Variants in GATC observed in about 807,000 individuals in gnomAD.
GATC encodes the protein glutamyl-tRNA(Gln) amidotransferase subunit C, mitochondrial.
A neutral mutation model predicts 14.4 loss-of-function variants in GATC; 11 were observed. The ratio of observed to expected loss-of-function variants is 0.77; its 90% CI spans 0.48 to 1.27. The LOEUF is 1.27. Among genes scored for constraint, GATC ranks in the 50% most tolerant of loss-of-function variants. The pLI is 0.00. For missense variants in GATC, 204 were observed against 183.0 expected (o/e 1.11, Z -0.66); for synonymous variants, 76 against 79.3 (o/e 0.96, Z 0.22).
chr12:120,448,024 G>A (rs113027568), intron 2 of GATC, among the ~76,000 whole-genome samples: 1,713 of 152,286 alleles, frequency 0.011, 34 homozygotes, highest in African/African-American at 0.039. Flanking sequence ...AAAGTACTGG[G>A]ATTACAGGCA....
chr12:120,447,203 G>A (rs1000818702), intron 2 of GATC, among the ~76,000 whole-genome samples: 7 of 151,758 alleles, frequency 4.6e-5, no homozygotes, highest in African/African-American at 1.7e-4. Flanking sequence ...AGCCTCCCGA[G>A]TAGCTGGGAT....
chr12:120,452,063 G>C (rs564888928), intron 2 of GATC, among the ~76,000 whole-genome samples: 2 of 151,260 alleles, frequency 1.3e-5, no homozygotes, highest in African/African-American at 4.8e-5. Flanking sequence ...TTTTAGTAGA[G>C]ACGGGGTTTC....
In GATC at chr12:120,462,241, A is replaced by G. The variant is rs1050583939; in HGVS notation, c.*2282A>G. On this transcript the variant is annotated 3_prime_UTR_variant, in exon 4 of 4. Transcript: ENST00000551765. ...AGAATAAGCAAACCAACATCTAACA[A>G]TAATAGTTAAGTATTGAGCACTTAC... 6.2e-6 allele frequency: 9 copies of G among 1,462,938 alleles called. No individual in the cohort carries two copies. Among genetic ancestry groups the G allele is most frequent in the Non-Finnish European group, 8.3e-6 (9 of 1,078,910 alleles). 90.6% of individuals were successfully genotyped at this position (1,462,938 alleles called of 1,614,324 possible). A position where few individuals can be genotyped will look rare whatever the true frequency, so the allele number is the denominator to read the frequency against.
At chr12:120,459,604 C>G (rs534708761) in intron 3 of GATC, among the ~76,000 whole-genome samples, 1 of 152,174 alleles carries the variant, frequency 6.6e-6, no homozygotes, top group East Asian at 1.9e-4. Flanking sequence ...TGCCTGTAAT[C>G]CTAGCACTTT....
rs570528452 is a variant in GATC at position 120,448,956 on chromosome 12, G to C, written c.254+2127G>C. 2.1e-5 allele frequency among the ~76,000 whole-genome samples: 3 copies of C among 143,248 alleles called. No homozygotes were observed. In the East Asian group the frequency reaches 6.6e-4, roughly 31 times the overall value. The allele number at this position is 143,248 out of a possible 152,430, so 94.0% of individuals were successfully genotyped here. On this transcript the variant is annotated intron_variant, in intron 2 of 3. Transcript: ENST00000551765. ...ACAAGTCTTCATTCTTTTATACTTA[G>C]GTTCTTTTTTTTTTTTTTTAATTGA...
rs753346194 is a variant in GATC at position 120,446,456 on chromosome 12, A to G, written c.-25A>G. 8.7e-6 allele frequency: 14 copies of G among 1,604,858 alleles called. No homozygotes were observed. The African/African-American group carries it at 1.6e-4, about 18-fold the overall frequency. ...GTCGCTCGGCGTTACGCGCGGGCGC[A>G]CTGCGGGGGCCAAGGAAGGAAGAAA... is the stretch of plus-strand genomic sequence containing the variant. On this transcript the variant is annotated 5_prime_UTR_variant, in exon 1 of 4. Transcript: ENST00000551765.
rs530138362 is a variant in GATC, at chr12:120,459,784, G to T, written c.359-123G>T. The T allele has an allele frequency of 3.2e-5, 19 of 586,046 alleles. No homozygotes were observed. In the East Asian group the frequency reaches 6.4e-4, roughly 20 times the overall value. The allele number at this position is 586,046 out of a possible 1,614,324, so 36.3% of individuals were successfully genotyped here. A position where few individuals can be genotyped will look rare whatever the true frequency, so the allele number is the denominator to read the frequency against. ...GGCAGGAGAATGGCGTGAACCCCAG[G>T]GGGCGGAGCCTGCAGTGAGCTGAGA... On this transcript the variant is annotated intron_variant, in intron 3 of 3. Transcript: ENST00000551765.
At chr12:120,458,138 C>A (rs544641410) in intron 3 of GATC, among the ~76,000 whole-genome samples, 1 of 148,758 alleles carries the variant, frequency 6.7e-6, no homozygotes, top group South Asian at 2.1e-4. Context: ...CGCTCGGTCA[C>A]CCAGGCTGGA....
In GATC at chr12:120,457,106, A is replaced by T. The variant is rs1457703682; in HGVS notation, c.285A>T (p.Val95=). 1 of 1,614,014 alleles carries T rather than the reference A, an allele frequency of 6.2e-7. No homozygotes were observed. The part of the protein sequence containing the change: ...RCLYLRSDNV[V]EGNCADELLQ... Reference sequence around the variant, plus strand: ...TATACCTGAGATCCGACAATGTGGTAGAAGGCAACTGTGCTGATGAATTAC... The same window carrying T: ...TATACCTGAGATCCGACAATGTGGTTGAAGGCAACTGTGCTGATGAATTAC... The change falls in exon 3 of 4, where the codon GTA becomes GTT. Residue 95 remains valine (V), a synonymous_variant. Transcript: ENST00000551765.
intron 2 of GATC, among the ~76,000 whole-genome samples, chr12:120,453,342 C>T (rs1878099963): frequency 6.6e-6 from 1 of 152,134 alleles, no homozygotes; most frequent in Non-Finnish European, 1.5e-5. Flanking sequence ...TCTTTCTCAA[C>T]CAGGGTTCCT....
At chr12:120,455,977 C>T (rs1272214820) in intron 2 of GATC, among the ~76,000 whole-genome samples, 4 of 152,180 alleles carry the variant, frequency 2.6e-5, no homozygotes, top group Non-Finnish European at 4.4e-5. Context: ...TGAGCCACCG[C>T]GCCCGGCTGA....
chr12:120,457,779 G>T (rs1204826323), intron 3 of GATC, among the ~76,000 whole-genome samples: 1 of 151,810 alleles, frequency 6.6e-6, no homozygotes, highest in Non-Finnish European at 1.5e-5. Context: ...CTAATTTTTT[G>T]TATTTTTAGT....
At chr12:120,451,321 G>A (rs1592983951) in intron 2 of GATC, among the ~76,000 whole-genome samples, 1 of 151,862 alleles carries the variant, frequency 6.6e-6, no homozygotes, top group South Asian at 2.1e-4. Context: ...GCAGGCGCCT[G>A]TAATCCCAGC....
intron 3 of GATC, among the ~76,000 whole-genome samples, chr12:120,459,604 C>T (rs534708761): frequency 3.3e-5 from 5 of 152,292 alleles, no homozygotes; most frequent in African/African-American, 1.2e-4. Context: ...TGCCTGTAAT[C>T]CTAGCACTTT....
rs1878384164 is a variant in GATC at position 120,462,690 on chromosome 12, C to T, written c.*2731C>T. 2 of 152,226 alleles carry T rather than the reference C, an allele frequency of 1.3e-5. No individual in the cohort carries two copies. Among genetic ancestry groups the T allele is most frequent in the Admixed American group, 1.3e-4 (2 of 15,268 alleles). 9.4% of individuals were successfully genotyped at this position (152,226 alleles called of 1,614,324 possible). On this transcript the variant is annotated 3_prime_UTR_variant, in exon 4 of 4. Coordinates refer to ENST00000551765, the MANE Select transcript of GATC (RefSeq NM_176818.3). ...TGGTGCTATTATGTGACCATTTTGC[C>T]CATGAAGGAATCGAGGTCCCAAGAG...
intron 2 of GATC, among the ~76,000 whole-genome samples, chr12:120,451,449 A>G (rs1878041771): frequency 6.6e-6 from 1 of 151,464 alleles, no homozygotes; most frequent in Non-Finnish European, 1.5e-5. Flanking sequence ...GTCTTAAAAA[A>G]TACAAAACAA....
At chr12:120,451,291 A>T (rs968359670) in intron 2 of GATC, among the ~76,000 whole-genome samples, 6 of 151,810 alleles carry the variant, frequency 4.0e-5, no homozygotes, top group Non-Finnish European at 8.8e-5. Context: ...CTAAAAATAC[A>T]AAATTAGCCA....
At chr12:120,447,179 C>T (rs1442406046) in intron 2 of GATC, among the ~76,000 whole-genome samples, 1 of 151,486 alleles carries the variant, frequency 6.6e-6, no homozygotes, top group Non-Finnish European at 1.5e-5. Context: ...CGTGTTCAAG[C>T]AATTCTCTGC....
intron 2 of GATC, chr12:120,455,080 G>A (rs999059903): frequency 5.2e-6 from 2 of 386,316 alleles, no homozygotes; most frequent in Non-Finnish European, 1.1e-5. Context: ...TAGAGACAGG[G>A]TTTCACCATA....
Sources: gnomAD v4.1 joint callset for allele counts (sites outside exome capture counted in the v4.1 genomes callset) on GRCh38, gnomAD v4.1.1 for gene constraint, MANE v1.5 for transcripts, NCBI Gene and HGNC (gene_info 2026-07-23, HGNC 2026-07-21) for gene names.